The following GFOD1 variants were observed in gnomAD, a reference collection of about 807,000 sequenced individuals.
GFOD1 encodes the protein glucose-fructose oxidoreductase domain-containing protein 1.
Under a neutral mutation model 25.4 loss-of-function variants are expected in GFOD1, and 9 were observed. That is an observed-to-expected ratio of 0.35 (90% CI 0.21 to 0.62). GFOD1 has a LOEUF of 0.62. Ranked by LOEUF, GFOD1 falls within the 20% of genes least tolerant of loss-of-function variation. The probability of loss-of-function intolerance (pLI) is 0.72; values close to 1 mark genes in which losing one functional copy is unlikely to be tolerated. For synonymous variants in GFOD1, 253 were observed against 245.6 expected (o/e 1.03, Z -0.28); for missense variants, 403 against 556.9 (o/e 0.72, Z 2.78).
chr6:13,409,177 G>A lies in GFOD1; in HGVS notation c.254-43515C>T, dbSNP rs1165373669. On this transcript the variant is annotated intron_variant, in intron 1 of 1. Coordinates refer to ENST00000379287, the MANE Select transcript of GFOD1 (RefSeq NM_018988.4). ...AGGAAAGAAAGAAAGGAAAGAGAGA[G>A]AGAGAGAGAAAGAAAGAAAGAAAGA... 2.1e-4 allele frequency among the ~76,000 whole-genome samples: 16 copies of A among 74,584 alleles called. 2 individuals carry two copies. The highest frequency in any genetic ancestry group is 5.1e-4 in the African/African-American group (15 of 29,402). The allele number at this position is 74,584 out of a possible 152,430, so 48.9% of individuals were successfully genotyped here.
At chr6:13,474,686 G>A (rs1278836977) in intron 1 of GFOD1, among the ~76,000 whole-genome samples, 1 of 152,188 alleles carries the variant, frequency 6.6e-6, no homozygotes, top group East Asian at 1.9e-4. Flanking sequence ...TAGTGCTACA[G>A]GGATTCAAAA....
At chr6:13,393,007 A>G (rs1253064193) in intron 1 of GFOD1, among the ~76,000 whole-genome samples, 1 of 151,996 alleles carries the variant, frequency 6.6e-6, no homozygotes, top group Non-Finnish European at 1.5e-5. Context: ...GGTTGCAGTG[A>G]GCTATGACTG....
chr6:13,365,357 G>C lies in GFOD1; in HGVS notation c.559C>G (p.Leu187Val). ...GTYIIDLLTF[L>V]TGQKAVKVHG... ...ACCTTGACGGCCTTTTGGCCGGTGA[G>C]GAAGGTGAGCAGGTCGATGATGTAG... The change falls in exon 2 of 2, where the codon CTC (leucine) becomes GTC (valine). Residue 187 changes from leucine (L) to valine (V), a missense_variant. Transcript: ENST00000379287. The surrounding 1 kb of genome is among the most constrained non-coding windows in gnomAD (Gnocchi z 9.2). The C allele has an allele frequency of 6.2e-7, 1 of 1,614,192 alleles. No homozygotes were observed. The highest frequency in any genetic ancestry group is 8.5e-7 in the Non-Finnish European group (1 of 1,180,028).
chr6:13,453,545 A>G (rs886337957), intron 1 of GFOD1, among the ~76,000 whole-genome samples: 6 of 152,224 alleles, frequency 3.9e-5, no homozygotes, highest in African/African-American at 1.2e-4. Flanking sequence ...TCAGGTGGCA[A>G]TGTCCTTATT....
intron 1 of GFOD1, among the ~76,000 whole-genome samples, chr6:13,381,409 A>T (rs516003): frequency 7.9e-5 from 12 of 152,010 alleles, no homozygotes; most frequent in East Asian, 1.9e-4. Context: ...CACCTAATAC[A>T]GTGAGGCCCT....
chr6:13,361,723 A>C lies in GFOD1; in HGVS notation c.*3020T>G, dbSNP rs533239770. On this transcript the variant is annotated 3_prime_UTR_variant, in exon 2 of 2. Coordinates refer to ENST00000379287, the MANE Select transcript of GFOD1 (RefSeq NM_018988.4). ...TATATTTAAAGAAAATGAACTATCC[A>C]GTTCTTTTCTTTCTCTTGTTCCTTC... is the stretch of plus-strand genomic sequence containing the variant. 1.3e-5 allele frequency: 2 copies of C among 152,348 alleles called. No homozygotes were observed. The highest frequency in any genetic ancestry group is 4.1e-4 in the South Asian group (2 of 4,834). 9.4% of individuals were successfully genotyped at this position (152,348 alleles called of 1,614,324 possible). A position where few individuals can be genotyped will look rare whatever the true frequency, so the allele number is the denominator to read the frequency against.
intron 1 of GFOD1, among the ~76,000 whole-genome samples, chr6:13,485,008 A>G (rs1758833712): frequency 6.6e-6 from 1 of 152,264 alleles, no homozygotes; most frequent in African/African-American, 2.4e-5. Context: ...CAAAGAGCCA[A>G]TGTAAACAAG....
rs1784940239 is a variant in GFOD1 at position 13,361,126 on chromosome 6, C to T, written c.*3617G>A. On this transcript the variant is annotated 3_prime_UTR_variant, in exon 2 of 2. Coordinates refer to ENST00000379287, the MANE Select transcript of GFOD1 (RefSeq NM_018988.4). The stretch of plus-strand genomic sequence containing the variant: ...TGGCCAGTCTTGGAGTTGGCCAAGA[C>T]TACCCTAGAGTCCAGATATAACTGG... The T allele has an allele frequency of 2.9e-6, 1 of 342,032 alleles. No individual in the cohort carries two copies. The highest frequency in any genetic ancestry group is 5.8e-6 in the Non-Finnish European group (1 of 173,040). 21.2% of individuals were successfully genotyped at this position (342,032 alleles called of 1,614,324 possible). A position where few individuals can be genotyped will look rare whatever the true frequency, so the allele number is the denominator to read the frequency against.
intron 1 of GFOD1, among the ~76,000 whole-genome samples, chr6:13,475,296 G>C (rs1260374039): frequency 6.6e-6 from 1 of 152,172 alleles, no homozygotes; most frequent in Non-Finnish European, 1.5e-5. Flanking sequence ...TCACAAGGCT[G>C]GGCATGGTGG....
At chr6:13,367,660 T>G (rs1296394430) in intron 1 of GFOD1, among the ~76,000 whole-genome samples, 1 of 147,026 alleles carries the variant, frequency 6.8e-6, no homozygotes, top group Non-Finnish European at 1.5e-5. Flanking sequence ...GAAAGGAGAG[T>G]GGCAGGGAAT....
rs1185385664 is a variant in GFOD1 at position 13,363,014 on chromosome 6, C to T, written c.*1729G>A. 1 of 152,184 alleles carries T rather than the reference C, an allele frequency of 6.6e-6. No individual in the cohort carries two copies. Among genetic ancestry groups the T allele is most frequent in the Non-Finnish European group, 1.5e-5 (1 of 68,040 alleles). 9.4% of individuals were successfully genotyped at this position (152,184 alleles called of 1,614,324 possible). On this transcript the variant is annotated 3_prime_UTR_variant, in exon 2 of 2. Transcript: ENST00000379287. ...ACTTCAGTGAGCCTGTGAACAAAAG[C>T]TACGTAGACTTATGAGGAATGGCTT...
At chr6:13,422,415 T>C (rs899864975) in intron 1 of GFOD1, among the ~76,000 whole-genome samples, 1 of 152,076 alleles carries the variant, frequency 6.6e-6, no homozygotes, top group Admixed American at 6.5e-5. Context: ...CAAGTGACAC[T>C]TAGTGTCCCC....
chr6:13,385,684 G>A (rs888611802), intron 1 of GFOD1, among the ~76,000 whole-genome samples: 12 of 152,248 alleles, frequency 7.9e-5, no homozygotes, highest in South Asian at 4.1e-4. Flanking sequence ...TCTACTTGAA[G>A]AATAAAAAGA....
At chr6:13,400,273 G>A (rs1039202212) in intron 1 of GFOD1, among the ~76,000 whole-genome samples, 12 of 152,108 alleles carry the variant, frequency 7.9e-5, no homozygotes, top group Non-Finnish European at 1.3e-4. Context: ...AATAGCCACT[G>A]CCCTGAAATG....
chr6:13,427,491 C>T (rs564129701), intron 1 of GFOD1, among the ~76,000 whole-genome samples: 180 of 152,070 alleles, frequency 1.2e-3, no homozygotes, highest in African/African-American at 4.1e-3. Context: ...GAAATCTCAT[C>T]GCTACAAAAA....
chr6:13,422,354 C>G (rs1368838241), intron 1 of GFOD1, among the ~76,000 whole-genome samples: 1 of 152,136 alleles, frequency 6.6e-6, no homozygotes. Flanking sequence ...AATGGCGTAG[C>G]TGGAGGGGGC....
chr6:13,395,043 A>C (rs1378696949), intron 1 of GFOD1, among the ~76,000 whole-genome samples: 8 of 152,172 alleles, frequency 5.3e-5, no homozygotes, highest in African/African-American at 1.9e-4. Context: ...TTAGCCTCTC[A>C]AAGTATTGGG....
At chr6:13,479,062 C>CA (rs11342958) in intron 1 of GFOD1, among the ~76,000 whole-genome samples, 19,898 of 127,292 alleles carry the variant, frequency 0.16, 1,524 homozygotes, top group South Asian at 0.3. Flanking sequence ...ATCCCTTTAC[C>CA]AAAAAAAAAA....
chr6:13,455,030 G>A (rs1308833350), intron 1 of GFOD1, among the ~76,000 whole-genome samples: 3 of 152,236 alleles, frequency 2.0e-5, no homozygotes, highest in Non-Finnish European at 2.9e-5. Flanking sequence ...AGTTGCTTCC[G>A]CTAGAGTTTA....
Sources: gnomAD v4.1 joint callset for allele counts (sites outside exome capture counted in the v4.1 genomes callset) on GRCh38, gnomAD v4.1.1 for gene constraint, Gnocchi (gnomAD v3.1) non-coding constraint, MANE v1.5 for transcripts, NCBI Gene and HGNC (gene_info 2026-07-23, HGNC 2026-07-21) for gene names.